OPRM1: variants seen among roughly 807,000 people sequenced by gnomAD.
OPRM1 encodes the protein opioid receptor mu 1.
In OPRM1, 27 loss-of-function variants were observed where a neutral mutation model predicts 31.8. That is an observed-to-expected ratio of 0.85 (90% CI 0.63 to 1.17). OPRM1 has a LOEUF of 1.17. Among genes scored for constraint, OPRM1 ranks in the 50% most tolerant of loss-of-function variants. The pLI is 0.00. For synonymous variants in OPRM1, 196 were observed against 189.9 expected (o/e 1.03, Z -0.26); for missense variants, 536 against 511.1 (o/e 1.05, Z -0.47).
intron 3 of OPRM1, among the ~76,000 whole-genome samples, chr6:154,145,857 A>C (rs1310691261): frequency 2.6e-5 from 4 of 152,266 alleles, no homozygotes; most frequent in Non-Finnish European, 5.9e-5. Context: ...TTTTTGACAA[A>C]GGTGTGAAAG....
In OPRM1 at chr6:154,077,663, G is replaced by A. The variant is rs77927524; in HGVS notation, c.291-12163G>A. Among the ~76,000 whole-genome samples, 832 of 151,840 alleles carry A rather than the reference G, an allele frequency of 5.5e-3. 9 individuals carry two copies. The highest frequency in any genetic ancestry group is 0.019 in the African/African-American group (804 of 41,472). ...GGAGAATCATTTGAACCTGCGAGGC[G>A]GAGGTTGCAGTGACCCGAGCTAGCA... On this transcript the variant is annotated intron_variant, in intron 1 of 3. Transcript: ENST00000330432.
intron 1 of OPRM1, among the ~76,000 whole-genome samples, chr6:154,085,882 C>G (rs1040314333): frequency 9.5e-6 from 1 of 105,544 alleles, no homozygotes; most frequent in Non-Finnish European, 1.9e-5. Context: ...AGAATGAAAG[C>G]TTGCCCTTTT....
At chr6:154,180,414 A>ATATATATT (rs1241250621) in intron 3 of OPRM1, among the ~76,000 whole-genome samples, 49 of 65,254 alleles carry the variant, frequency 7.5e-4, no homozygotes, top group South Asian at 1.6e-3. Context: ...ATATATATAT[A>ATATATATT]TTTTTTTTTT....
intron 1 of OPRM1, among the ~76,000 whole-genome samples, chr6:154,024,804 G>T (rs1583139105): frequency 6.6e-6 from 1 of 151,590 alleles, no homozygotes; most frequent in African/African-American, 2.4e-5. Context: ...TAACTCATTG[G>T]TCATTCAGGA....
chr6:154,016,046 A>C (rs576082212), intron 1 of OPRM1, among the ~76,000 whole-genome samples: 1 of 152,248 alleles, frequency 6.6e-6, no homozygotes, highest in Non-Finnish European at 1.5e-5. Context: ...AAAGAAAGTT[A>C]ATAATATCTA....
chr6:154,195,365 T>A (rs770305313), intron 3 of OPRM1, among the ~76,000 whole-genome samples: 1 of 152,092 alleles, frequency 6.6e-6, no homozygotes, highest in Non-Finnish European at 1.5e-5. Context: ...GCCAGGATGG[T>A]CTCGATCTCC....
intron 3 of OPRM1, among the ~76,000 whole-genome samples, chr6:154,138,637 C>T (rs918805176): frequency 6.6e-6 from 1 of 152,200 alleles, no homozygotes; most frequent in African/African-American, 2.4e-5. Context: ...CTCTAACCTC[C>T]AAGGGGTCCT....
chr6:154,052,555 G>T (rs1782422751), intron 1 of OPRM1, among the ~76,000 whole-genome samples: 1 of 152,014 alleles, frequency 6.6e-6, no homozygotes, highest in Admixed American at 6.6e-5. Flanking sequence ...TTTTTCTTTT[G>T]ATTTCTTTCA....
At chr6:154,109,792 C>CTCTCTCTCTGTGTG (rs1358444421) in intron 3 of OPRM1, among the ~76,000 whole-genome samples, 5 of 101,280 alleles carry the variant, frequency 4.9e-5, no homozygotes, top group African/African-American at 1.9e-4. Context: ...CTCTCTCTCT[C>CTCTCTCTCTGTGTG]TGTGTGTGTG....
rs1462170743 is a variant in OPRM1, at chr6:154,122,963, T to A, written c.*4242T>A. The stretch of plus-strand genomic sequence containing the variant: ...TGTCTAAGGTGTTATCCGAGCTCGT[T>A]GTCTCACAACCAAGAAAATTAAGGA... On this transcript the variant is annotated 3_prime_UTR_variant, in exon 4 of 4. Coordinates refer to ENST00000330432, the MANE Select transcript of OPRM1 (RefSeq NM_000914.5). Among the ~76,000 whole-genome samples the A allele has an allele frequency of 6.6e-6, 1 of 152,112 alleles. No homozygotes were observed. Among genetic ancestry groups the A allele is most frequent in the Non-Finnish European group, 1.5e-5 (1 of 68,012 alleles).
intron 1 of OPRM1, among the ~76,000 whole-genome samples, chr6:154,078,172 T>G (rs1214060891): frequency 6.6e-6 from 1 of 152,194 alleles, no homozygotes; most frequent in Non-Finnish European, 1.5e-5. Context: ...TCTCCTTAAG[T>G]TTTCTTCCTC....
At chr6:154,047,420 G>A (rs1309709651) in intron 1 of OPRM1, among the ~76,000 whole-genome samples, 3 of 151,604 alleles carry the variant, frequency 2.0e-5, no homozygotes, top group Non-Finnish European at 2.9e-5. Context: ...GACTGGCAAA[G>A]GTGGAGCGTG....
chr6:154,061,251 A>T (rs1029572132), intron 1 of OPRM1, among the ~76,000 whole-genome samples: 2 of 152,148 alleles, frequency 1.3e-5, no homozygotes, highest in African/African-American at 4.8e-5. Context: ...TCCATCTAGT[A>T]GAACAAATTT....
At chr6:154,183,938 C>T (rs1801117590) in intron 3 of OPRM1, among the ~76,000 whole-genome samples, 1 of 151,484 alleles carries the variant, frequency 6.6e-6, no homozygotes, top group Non-Finnish European at 1.5e-5. Context: ...ACAAAAAACA[C>T]AAACAGGAAA....
At chr6:154,214,416 C>A in intron 3 of OPRM1, 1 of 704,424 alleles carries the variant, frequency 1.4e-6, no homozygotes, top group South Asian at 1.6e-5. Flanking sequence ...AAGTTTGTGC[C>A]ATCGAAACCT....
chr6:154,147,611 T>C (rs1165469364), intron 3 of OPRM1, among the ~76,000 whole-genome samples: 2 of 152,170 alleles, frequency 1.3e-5, no homozygotes, highest in African/African-American at 4.8e-5. Context: ...CCAACCATAC[T>C]CTTCCTTCTT....
Position 154,218,853 on chromosome 6 carries a change from A to G in OPRM1, c.1165-27840A>G, listed in dbSNP as rs553160269. Among the ~76,000 whole-genome samples, 360 of 152,338 alleles carry G rather than the reference A, an allele frequency of 2.4e-3. 1 individual carries two copies. Among genetic ancestry groups the G allele is most frequent in the African/African-American group, 8.5e-3 (354 of 41,564 alleles). ...AAAAACATGGGGTCCAGACACCTTA[A>G]GTTCAAATTTCAATTTGCATCTTCT... is the stretch of plus-strand genomic sequence containing the variant. On this transcript the variant is annotated intron_variant, in intron 3 of 3. Coordinates refer to the OPRM1 transcript ENST00000337049.
At chr6:154,047,446 C>G (rs1299071587) in intron 1 of OPRM1, among the ~76,000 whole-genome samples, 1 of 151,728 alleles carries the variant, frequency 6.6e-6, no homozygotes, top group Non-Finnish European at 1.5e-5. Flanking sequence ...AATTCTCTCT[C>G]TCTCTCTCTC....
intron 3 of OPRM1, among the ~76,000 whole-genome samples, chr6:154,245,946 C>T (rs555401023): frequency 5.3e-5 from 8 of 152,114 alleles, no homozygotes; most frequent in Non-Finnish European, 1.0e-4. Flanking sequence ...AACAGTATAC[C>T]GACTTTTTAA....
Sources: gnomAD v4.1 joint callset for allele counts (sites outside exome capture counted in the v4.1 genomes callset) on GRCh38, gnomAD v4.1.1 for gene constraint, MANE v1.5 for transcripts, NCBI Gene and HGNC (gene_info 2026-07-23, HGNC 2026-07-21) for gene names.